Variants in ZDHHC15 observed in about 807,000 individuals in gnomAD.
The protein encoded by ZDHHC15 is palmitoyltransferase ZDHHC15.
ZDHHC15 carries 19 observed loss-of-function variants against 31.7 expected under a neutral mutation model. The ratio of observed to expected loss-of-function variants is 0.60; its 90% confidence interval spans 0.42 to 0.88. ZDHHC15 has a LOEUF of 0.88. Ranked by LOEUF, ZDHHC15 falls within the 40% of genes least tolerant of loss-of-function variation. The probability of loss-of-function intolerance (pLI) is 0.00; values close to 1 mark genes in which losing one functional copy is unlikely to be tolerated. For missense variants in ZDHHC15, 209 were observed against 251.2 expected, an observed-to-expected ratio of 0.83 and a Z score of 1.14; for synonymous variants, 103 against 90.0, an observed-to-expected ratio of 1.14 and a Z score of -0.82.
intron 3 of ZDHHC15, among the ~76,000 whole-genome samples, chrX:75,459,273 A>C (rs1035052627): frequency 9.0e-6 from 1 of 111,386 alleles, no homozygotes; most frequent in East Asian, 2.9e-4. Context: ...ACACCTAAGA[A>C]GAGGGCTAAA....
intron 3 of ZDHHC15, among the ~76,000 whole-genome samples, chrX:75,461,267 G>A (rs775235872): frequency 1.3e-4 from 14 of 111,731 alleles, no homozygotes; most frequent in Non-Finnish European, 1.9e-4. Flanking sequence ...AATAAAATCT[G>A]AGAAATATGG....
chrX:75,392,091 G>A (rs2083250604), intron 10 of ZDHHC15, among the ~76,000 whole-genome samples: 1 of 112,211 alleles, frequency 8.9e-6, no homozygotes, highest in African/African-American at 3.2e-5. Flanking sequence ...GGGTTCCCTA[G>A]AGGGACAGAA....
intron 2 of ZDHHC15, among the ~76,000 whole-genome samples, chrX:75,492,994 A>G (rs1054620125): frequency 9.9e-5 from 11 of 111,501 alleles, no homozygotes; most frequent in Admixed American, 2.9e-4. Flanking sequence ...GAATCCAGGA[A>G]CTGGTTTTTT....
chrX:75,436,703 T>A (rs1192184576), intron 4 of ZDHHC15, among the ~76,000 whole-genome samples: 1 of 112,291 alleles, frequency 8.9e-6, no homozygotes, highest in African/African-American at 3.2e-5. Flanking sequence ...AGAAAGTACT[T>A]GAAATAATTT....
At chrX:75,491,178 G>A (rs1056751296) in intron 2 of ZDHHC15, among the ~76,000 whole-genome samples, 1 of 110,610 alleles carries the variant, frequency 9.0e-6, no homozygotes, top group Non-Finnish European at 1.9e-5. Context: ...CATGAAAATG[G>A]ATGTTTACTG....
chrX:75,482,776 G>C (rs970821198), intron 2 of ZDHHC15, among the ~76,000 whole-genome samples: 2 of 110,527 alleles, frequency 1.8e-5, no homozygotes, highest in Admixed American at 2.0e-4. Context: ...TTTATTGATA[G>C]TCCCTTTCAG....
chrX:75,488,832 C>T (rs764614017), intron 2 of ZDHHC15, among the ~76,000 whole-genome samples: 99 of 112,288 alleles, frequency 8.8e-4, no homozygotes, highest in Non-Finnish European at 1.3e-3. Context: ...GGGTCAGGGA[C>T]TTCCGTTTCC....
intron 11 of ZDHHC15, among the ~76,000 whole-genome samples, chrX:75,374,963 C>T (rs960577989): frequency 1.5e-4 from 17 of 110,985 alleles, no homozygotes; most frequent in African/African-American, 4.6e-4. Flanking sequence ...TGGATATATT[C>T]ATTATTTTGA....
chrX:75,385,987 T>C (rs1486876311), intron 10 of ZDHHC15, among the ~76,000 whole-genome samples: 1 of 112,149 alleles, frequency 8.9e-6, no homozygotes, highest in Non-Finnish European at 1.9e-5. Context: ...ACACCCCTTC[T>C]GGGTCCAATC....
chrX:75,490,964 A>T (rs1483450712), intron 2 of ZDHHC15, among the ~76,000 whole-genome samples: 2 of 111,901 alleles, frequency 1.8e-5, no homozygotes, highest in African/African-American at 6.5e-5. Flanking sequence ...ATCATTAAAA[A>T]GTCAGGAAAC....
At chrX:75,379,092 C>T in intron 11 of ZDHHC15, 28 bp downstream of exon 11, 5 of 1,158,290 alleles carry the variant, frequency 4.3e-6, no homozygotes, top group Non-Finnish European at 5.9e-6. Flanking sequence ...CCAGGTGCCA[C>T]TGTATGTGTC....
intron 10 of ZDHHC15, among the ~76,000 whole-genome samples, chrX:75,405,124 G>C (rs1005131785): frequency 2.7e-5 from 3 of 111,614 alleles, no homozygotes; most frequent in Non-Finnish European, 3.8e-5. Flanking sequence ...AACTAACTGA[G>C]GAACAGAAAA....
chrX:75,454,179 A>G (rs888430603), intron 3 of ZDHHC15, among the ~76,000 whole-genome samples: 3 of 112,251 alleles, frequency 2.7e-5, no homozygotes, highest in Non-Finnish European at 5.6e-5. Context: ...CTGATAAGCA[A>G]CTTCAGCAAA....
intron 10 of ZDHHC15, among the ~76,000 whole-genome samples, chrX:75,414,524 G>A (rs1272030920): frequency 1.0e-5 from 1 of 95,516 alleles, no homozygotes; most frequent in Non-Finnish European, 2.0e-5. Context: ...CTGCCTCCTC[G>A]ATTCATGCCA....
At chrX:75,435,442 A>T (rs931829635) in intron 4 of ZDHHC15, among the ~76,000 whole-genome samples, 19 of 111,922 alleles carry the variant, frequency 1.7e-4, no homozygotes, top group Non-Finnish European at 3.0e-4. Flanking sequence ...CAATGCTTTC[A>T]ACTTTTCCCC....
At chrX:75,450,478 T>C (rs2084099920) in intron 4 of ZDHHC15, among the ~76,000 whole-genome samples, 1 of 111,827 alleles carries the variant, frequency 8.9e-6, no homozygotes, top group Non-Finnish European at 1.9e-5. Context: ...ATGTCAGCTA[T>C]TTACTTTGAA....
Position 75,505,901 on chromosome X carries a change from G to A in ZDHHC15, c.137-54C>T, listed in dbSNP as rs750833027. The A allele has an allele frequency of 3.0e-6, 3 of 1,005,876 alleles. No homozygotes were observed. In the African/African-American group the frequency reaches 5.7e-5, roughly 19 times the overall value. The allele number at this position is 1,005,876 out of a possible 1,213,427, so 82.9% of individuals were successfully genotyped here. A position where few individuals can be genotyped will look rare whatever the true frequency, so the allele number is the denominator to read the frequency against. ...GACAGACAGACAGAGATGGATGAGA[G>A]AGAGAGAGAGAGAAATTAGTTATAT... On this transcript the variant is annotated intron_variant, in intron 1 of 11. Coordinates refer to ENST00000373367, the MANE Select transcript of ZDHHC15 (RefSeq NM_144969.3).
intron 2 of ZDHHC15, among the ~76,000 whole-genome samples, chrX:75,482,521 T>C (rs1441751375): frequency 9.0e-6 from 1 of 111,607 alleles, no homozygotes; most frequent in Non-Finnish European, 1.9e-5. Context: ...TAATTATCCA[T>C]TAGGCATCTA....
chrX:75,516,880 A>C (rs1230193433), intron 1 of ZDHHC15, among the ~76,000 whole-genome samples: 1 of 112,374 alleles, frequency 8.9e-6, no homozygotes, highest in Non-Finnish European at 1.9e-5. Flanking sequence ...GAACTCAAAC[A>C]AATTTACAAG....
Sources: allele counts gnomAD v4.1 joint callset (sites outside exome capture counted in the v4.1 genomes callset), GRCh38; gene constraint gnomAD v4.1.1; transcripts MANE v1.5; gene names NCBI Gene and HGNC (gene_info 2026-07-23, HGNC 2026-07-21).